Variants in SLC23A2 observed in about 807,000 individuals in gnomAD.
SLC23A2 encodes solute carrier family 23 member 2.
Under a neutral mutation model 73.3 loss-of-function variants are expected in SLC23A2, and 36 were observed. The observed-to-expected ratio is 0.49, with a 90% CI of 0.38 to 0.65. The LOEUF is 0.65. SLC23A2 is among the 30% of genes least tolerant of loss of function. The probability of loss-of-function intolerance (pLI) is 0.00; values close to 1 mark genes in which losing one functional copy is unlikely to be tolerated. For synonymous variants in SLC23A2, 343 were observed against 327.3 expected, an observed-to-expected ratio of 1.05 and a Z score of -0.52; for missense variants, 507 against 841.6, an observed-to-expected ratio of 0.60 and a Z score of 4.92.
At chr20:4,888,041 C>G (rs1931175134) in intron 6 of SLC23A2, among the ~76,000 whole-genome samples, 1 of 152,216 alleles carries the variant, frequency 6.6e-6, no homozygotes, top group South Asian at 2.1e-4. Flanking sequence ...GGCACGGCCC[C>G]TGTCGTACTC....
At chr20:4,963,937 T>C (rs560092327) in intron 2 of SLC23A2, among the ~76,000 whole-genome samples, 3 of 152,244 alleles carry the variant, frequency 2.0e-5, no homozygotes, top group East Asian at 3.9e-4. Context: ...ATTTAGTAAA[T>C]AATTTTTAAC....
chr20:4,857,456 T>C lies in SLC23A2; in HGVS notation c.1721-252A>G, dbSNP rs1339073170. Among the ~76,000 whole-genome samples, 1 of 152,160 alleles carries C rather than the reference T, an allele frequency of 6.6e-6. No homozygotes were observed. The highest frequency in any genetic ancestry group is 1.5e-5 in the Non-Finnish European group (1 of 68,038). ...AAGCACTAACCCCTCCATGTCCTCA[T>C]TCAAGCAATCACCTAATGACCTTCT... On this transcript the variant is annotated intron_variant, in intron 16 of 16. Transcript: ENST00000338244. This position sits in a 1 kb window ranked among gnomAD's most constrained non-coding sequence, Gnocchi z 4.0.
intron 3 of SLC23A2, among the ~76,000 whole-genome samples, chr20:4,929,026 T>TG (rs1368058906): frequency 6.6e-6 from 1 of 152,092 alleles, no homozygotes; most frequent in Non-Finnish European, 1.5e-5. Flanking sequence ...CTGAGACAGG[T>TG]GGGTCACTTG....
intron 2 of SLC23A2, among the ~76,000 whole-genome samples, chr20:4,954,168 A>G (rs993487324): frequency 2.0e-5 from 3 of 152,182 alleles, no homozygotes; most frequent in Non-Finnish European, 4.4e-5. Context: ...CTTCATAAAC[A>G]TATCTCTCTC....
rs1409937342 is a variant in SLC23A2 at position 4,912,784 on chromosome 20, G to C, written c.207+96C>G. 1.5e-5 allele frequency: 12 copies of C among 795,280 alleles called. No homozygotes were observed. The Admixed American group carries it at 2.1e-4, about 14-fold the overall frequency. The allele number at this position is 795,280 out of a possible 1,614,324, so 49.3% of individuals were successfully genotyped here. A position where few individuals can be genotyped will look rare whatever the true frequency, so the allele number is the denominator to read the frequency against. ...AGACCAAGCCCCAGACGAAGGACATGCAAGTGTCTGAAAGGGATCCGGATC... is the reference window on the plus strand; with the variant it reads ...AGACCAAGCCCCAGACGAAGGACATCCAAGTGTCTGAAAGGGATCCGGATC... On this transcript the variant is annotated intron_variant, in intron 4 of 16. Coordinates refer to ENST00000338244, the MANE Select transcript of SLC23A2 (RefSeq NM_005116.6).
At chr20:4,889,607 C>T (rs773091543) in intron 6 of SLC23A2, among the ~76,000 whole-genome samples, 2 of 151,516 alleles carry the variant, frequency 1.3e-5, no homozygotes, top group Middle Eastern at 3.4e-3. Context: ...GACGAGCCAG[C>T]CTGAATCAGA....
At chr20:4,971,100 C>T (rs1035141336) in intron 1 of SLC23A2, among the ~76,000 whole-genome samples, 181 bp from the exon 2 acceptor site, 4 of 152,120 alleles carry the variant, frequency 2.6e-5, no homozygotes, top group African/African-American at 9.7e-5. Flanking sequence ...ACAAACTGCA[C>T]CCTCAATTCT....
intron 2 of SLC23A2, among the ~76,000 whole-genome samples, chr20:4,934,471 T>C (rs1314756861): frequency 1.3e-5 from 2 of 151,976 alleles, no homozygotes; most frequent in Non-Finnish European, 2.9e-5. Flanking sequence ...CAAGATCAGG[T>C]CCTCCAAGGG....
chr20:4,962,053 C>T (rs1249211026), intron 2 of SLC23A2, among the ~76,000 whole-genome samples: 1 of 151,358 alleles, frequency 6.6e-6, no homozygotes, highest in African/African-American at 2.4e-5. Flanking sequence ...AACTAAGAAG[C>T]AGAGGTCATG....
At chr20:4,916,234 G>A (rs748962524) in intron 3 of SLC23A2, among the ~76,000 whole-genome samples, 45 of 152,180 alleles carry the variant, frequency 3.0e-4, no homozygotes, top group Middle Eastern at 3.4e-3. Context: ...AAGTCATATC[G>A]CAGCAGTGCT....
intron 1 of SLC23A2, among the ~76,000 whole-genome samples, chr20:4,986,326 T>C (rs2122297183): frequency 6.6e-6 from 1 of 152,158 alleles, no homozygotes; most frequent in Non-Finnish European, 1.5e-5. Context: ...GGTTATGTGG[T>C]GTGGTATGAA....
At chr20:4,866,607 C>T (rs1270474245) in intron 13 of SLC23A2, among the ~76,000 whole-genome samples, 2 of 152,246 alleles carry the variant, frequency 1.3e-5, no homozygotes, top group Non-Finnish European at 2.9e-5. Context: ...TGGCACACCT[C>T]AGGCTGAGCT....
rs1251804957 is a variant in SLC23A2, at chr20:4,902,988, C to T, written c.208-430G>A. On this transcript the variant is annotated intron_variant, in intron 4 of 16. Coordinates refer to ENST00000338244, the MANE Select transcript of SLC23A2 (RefSeq NM_005116.6). The surrounding 1 kb of genome is among the most constrained non-coding windows in gnomAD (Gnocchi z 4.0). ...GAGACAGCACACTGATCTGCCCCTC[C>T]CAGCCCACTTCATCCCTGCAAGTAA... Among the ~76,000 whole-genome samples the T allele has an allele frequency of 6.6e-6, 1 of 152,118 alleles. No homozygotes were observed. Among genetic ancestry groups the T allele is most frequent in the African/African-American group, 2.4e-5 (1 of 41,416 alleles).
intron 2 of SLC23A2, among the ~76,000 whole-genome samples, chr20:4,939,525 G>A (rs181069370): frequency 5.9e-5 from 9 of 152,260 alleles, no homozygotes; most frequent in East Asian, 3.9e-4. Flanking sequence ...AGCCTCTTTC[G>A]ATGTGATTGA....
At position 4,855,794 on chromosome 20, in the gene SLC23A2, C is replaced by T. The variant is rs16990309; in HGVS notation, c.*1178G>A. 0.29 allele frequency: 44,706 copies of T among 152,616 alleles called. 11,425 individuals are homozygous for T. Among genetic ancestry groups the T allele is most frequent in the African/African-American group, 0.7 (28,965 of 41,488 alleles). The allele number at this position is 152,616 out of a possible 1,614,324, so 9.5% of individuals were successfully genotyped here. On this transcript the variant is annotated 3_prime_UTR_variant, in exon 17 of 17. Coordinates refer to ENST00000338244, the MANE Select transcript of SLC23A2 (RefSeq NM_005116.6). Reference sequence around the variant, plus strand: ...AACTTGACCCATGGTTTCTGGGCTCCGGTCCAGTAGTCAGTTTTGATAAAT... The same window carrying T: ...AACTTGACCCATGGTTTCTGGGCTCTGGTCCAGTAGTCAGTTTTGATAAAT...
rs796981005 is a variant in SLC23A2 at position 4,872,904 on chromosome 20, G to A, written c.1102+1032C>T. Among the ~76,000 whole-genome samples the A allele has an allele frequency of 9.2e-5, 14 of 152,082 alleles. No homozygotes were observed. Among genetic ancestry groups the A allele is most frequent in the African/African-American group, 3.1e-4 (13 of 41,464 alleles). On this transcript the variant is annotated intron_variant, in intron 11 of 16. Coordinates refer to ENST00000338244, the MANE Select transcript of SLC23A2 (RefSeq NM_005116.6). This position sits in a 1 kb window ranked among gnomAD's most constrained non-coding sequence, Gnocchi z 4.4. ...CGAGTAGCTGGAATTACAGACACCC[G>A]TCATCAGGCCTGGCTCATTTTTGTA...
At position 4,856,087 on chromosome 20, in the gene SLC23A2, T is replaced by C. The variant is rs1292199742; in HGVS notation, c.*885A>G. Reference sequence around the variant, plus strand: ...TTAAATAGGAATAAAACCTTGTAATTATAGACGCGCGCGACAATAACATCC... The same window carrying C: ...TTAAATAGGAATAAAACCTTGTAATCATAGACGCGCGCGACAATAACATCC... On this transcript the variant is annotated 3_prime_UTR_variant, in exon 17 of 17. Transcript: ENST00000338244. This position sits in a 1 kb window ranked among gnomAD's most constrained non-coding sequence, Gnocchi z 4.6. The C allele has an allele frequency of 6.6e-6, 1 of 152,328 alleles. No homozygotes were observed. 9.4% of individuals were successfully genotyped at this position (152,328 alleles called of 1,614,324 possible). A position where few individuals can be genotyped will look rare whatever the true frequency, so the allele number is the denominator to read the frequency against.
intron 6 of SLC23A2, among the ~76,000 whole-genome samples, chr20:4,892,920 G>A (rs562748345): frequency 2.6e-5 from 4 of 152,196 alleles, no homozygotes; most frequent in Admixed American, 2.0e-4. Context: ...GAACAACTGG[G>A]AAGTTAAATA....
chr20:4,920,712 C>T (rs1371532075), intron 3 of SLC23A2, among the ~76,000 whole-genome samples: 1 of 152,150 alleles, frequency 6.6e-6, no homozygotes, highest in Non-Finnish European at 1.5e-5. Flanking sequence ...GAGCTACAGA[C>T]ACAGATCTGT....
Sources: allele counts gnomAD v4.1 joint callset (sites outside exome capture counted in the v4.1 genomes callset), GRCh38; gene constraint gnomAD v4.1.1; non-coding constraint Gnocchi (gnomAD v3.1); transcripts MANE v1.5; gene names NCBI Gene and HGNC (gene_info 2026-07-23, HGNC 2026-07-21).